NELL1: variants seen among roughly 807,000 people sequenced by gnomAD.
NELL1 encodes the protein protein kinase C-binding protein NELL1.
A neutral mutation model predicts 107.4 loss-of-function variants in NELL1; 76 were observed. The ratio of observed to expected loss-of-function variants is 0.71; its 90% CI spans 0.59 to 0.86. NELL1 has a LOEUF of 0.86. NELL1 is among the 40% of genes least tolerant of loss of function. The pLI, the probability that NELL1 is intolerant of heterozygous loss-of-function variation, is 0.00. For missense variants in NELL1, 1,024 were observed against 1,005.5 expected, an observed-to-expected ratio of 1.02 and a Z score of -0.25; for synonymous variants, 353 against 341.2, an observed-to-expected ratio of 1.03 and a Z score of -0.38.
intron 12 of NELL1, among the ~76,000 whole-genome samples, chr11:21,052,986 A>G (rs1331124022): frequency 6.6e-6 from 1 of 151,910 alleles, no homozygotes; most frequent in East Asian, 1.9e-4. Context: ...GCTTGAAGGG[A>G]GATAGACACT....
intron 2 of NELL1, among the ~76,000 whole-genome samples, chr11:20,714,123 G>A (rs1855179264): frequency 6.6e-6 from 1 of 150,526 alleles, no homozygotes; most frequent in South Asian, 2.1e-4. Flanking sequence ...TTCATGGTGT[G>A]AGTCTCCACA....
chr11:21,327,141 T>G, intron 14 of NELL1, among the ~76,000 whole-genome samples: 1 of 132,362 alleles, frequency 7.6e-6, no homozygotes, highest in Non-Finnish European at 1.6e-5. Flanking sequence ...CTTGTGACAG[T>G]GAGTTCTCAT....
intron 12 of NELL1, among the ~76,000 whole-genome samples, chr11:21,091,193 G>C (rs1854511908): frequency 6.6e-6 from 1 of 152,052 alleles, no homozygotes; most frequent in East Asian, 1.9e-4. Flanking sequence ...TTCTGGAGCT[G>C]GGAAATATAT....
At chr11:21,349,874 T>C (rs1850765357) in intron 14 of NELL1, among the ~76,000 whole-genome samples, 1 of 152,184 alleles carries the variant, frequency 6.6e-6, no homozygotes, top group South Asian at 2.1e-4. Flanking sequence ...AAGCCAATAT[T>C]ATGAATATAA....
intron 14 of NELL1, among the ~76,000 whole-genome samples, chr11:21,258,723 A>C (rs1187871016): frequency 2.0e-5 from 3 of 152,018 alleles, no homozygotes; most frequent in Non-Finnish European, 4.4e-5. Flanking sequence ...ATAATGTTTG[A>C]CCAAATATCC....
rs186147634 is a variant in NELL1, at chr11:21,128,023, C to T, written c.1426+14309C>T. Among the ~76,000 whole-genome samples, 786 of 152,062 alleles carry T rather than the reference C, an allele frequency of 5.2e-3. 4 individuals are homozygous for T. Among genetic ancestry groups the T allele is most frequent in the African/African-American group, 0.018 (749 of 41,488 alleles). ...TTTTCCTCAGTTTGGACAAAGAGTG[C>T]GTCACAGAACAAAAACTCAACCAGC... is the stretch of plus-strand genomic sequence containing the variant. On this transcript the variant is annotated intron_variant, in intron 13 of 19. Coordinates refer to ENST00000357134, the MANE Select transcript of NELL1 (RefSeq NM_006157.5).
chr11:20,681,562 G>A (rs566839222), intron 2 of NELL1, among the ~76,000 whole-genome samples: 184 of 152,062 alleles, frequency 1.2e-3, no homozygotes, highest in African/African-American at 4.3e-3. Flanking sequence ...ATCCAATGCC[G>A]AAGCCTCTTC....
At chr11:21,522,721 T>G (rs141953382) in intron 15 of NELL1, among the ~76,000 whole-genome samples, 3 of 152,258 alleles carry the variant, frequency 2.0e-5, no homozygotes, top group Non-Finnish European at 2.9e-5. Flanking sequence ...CAAAGAAAAT[T>G]TTCAAATCTA....
intron 12 of NELL1, among the ~76,000 whole-genome samples, chr11:21,061,015 G>A (rs575405387): frequency 2.0e-5 from 3 of 152,286 alleles, no homozygotes; most frequent in South Asian, 4.1e-4. Flanking sequence ...GATTACAGGC[G>A]TGAGCCACCA....
intron 15 of NELL1, among the ~76,000 whole-genome samples, chr11:21,483,582 A>G (rs1275013693): frequency 2.0e-5 from 3 of 152,084 alleles, no homozygotes; most frequent in Non-Finnish European, 4.4e-5. Flanking sequence ...GTTTTGCAAT[A>G]TGTATCAAGA....
At chr11:20,975,600 T>TAG in intron 12 of NELL1, among the ~76,000 whole-genome samples, 1 of 144,098 alleles carries the variant, frequency 6.9e-6, no homozygotes, top group African/African-American at 2.5e-5. Flanking sequence ...AGATATAATG[T>TAG]ATTATATATA....
intron 15 of NELL1, among the ~76,000 whole-genome samples, chr11:21,504,794 T>A (rs954009709): frequency 2.6e-5 from 4 of 152,136 alleles, no homozygotes; most frequent in African/African-American, 9.7e-5. Flanking sequence ...AGATTTTCAG[T>A]CTTGTCTCTT....
At chr11:21,331,759 GT>G (rs1850278070) in intron 14 of NELL1, among the ~76,000 whole-genome samples, 1 of 152,024 alleles carries the variant, frequency 6.6e-6, no homozygotes, top group Non-Finnish European at 1.5e-5. Context: ...CTTTATTGCT[GT>G]CTCTTTCCCA....
intron 5 of NELL1, among the ~76,000 whole-genome samples, chr11:20,887,807 T>C (rs1318797287): frequency 6.6e-6 from 1 of 152,100 alleles, no homozygotes; most frequent in East Asian, 1.9e-4. Flanking sequence ...AAATTATCTT[T>C]GGAGAAAGTC....
chr11:21,420,079 T>A (rs183016749), intron 15 of NELL1, among the ~76,000 whole-genome samples: 3 of 152,164 alleles, frequency 2.0e-5, no homozygotes, highest in Admixed American at 1.3e-4. Context: ...TGTGTTTGAA[T>A]GGATACAAAA....
At chr11:20,699,114 G>T (rs1158045288) in intron 2 of NELL1, among the ~76,000 whole-genome samples, 1 of 151,534 alleles carries the variant, frequency 6.6e-6, no homozygotes, top group Non-Finnish European at 1.5e-5. Flanking sequence ...CTACTCGGGA[G>T]GTTGAGGCAG....
intron 14 of NELL1, among the ~76,000 whole-genome samples, chr11:21,291,285 G>T (rs1231968258): frequency 1.3e-5 from 2 of 152,114 alleles, no homozygotes; most frequent in African/African-American, 2.4e-5. Flanking sequence ...CAAGTTTTTT[G>T]AAACCAATGA....
At chr11:21,082,291 A>C (rs1272811291) in intron 12 of NELL1, among the ~76,000 whole-genome samples, 1 of 152,174 alleles carries the variant, frequency 6.6e-6, no homozygotes, top group Non-Finnish European at 1.5e-5. Context: ...GCACTACAGG[A>C]AAAAATCATT....
At chr11:21,103,079 T>C (rs945178641) in intron 12 of NELL1, among the ~76,000 whole-genome samples, 2 of 152,176 alleles carry the variant, frequency 1.3e-5, no homozygotes, top group Non-Finnish European at 2.9e-5. Context: ...TCATCATTCA[T>C]CATACAGGTG....
Sources: gnomAD v4.1 joint callset for allele counts (sites outside exome capture counted in the v4.1 genomes callset) on GRCh38, gnomAD v4.1.1 for gene constraint, MANE v1.5 for transcripts, NCBI Gene and HGNC (gene_info 2026-07-23, HGNC 2026-07-21) for gene names.